PTPRU: variants seen among roughly 807,000 people sequenced by gnomAD.
The protein encoded by PTPRU is receptor-type tyrosine-protein phosphatase U.
A neutral mutation model predicts 166.3 loss-of-function variants in PTPRU; 69 were observed. That is an observed-to-expected ratio of 0.41 (90% CI 0.34 to 0.51). The LOEUF (loss-of-function observed/expected upper bound fraction) is 0.51, where lower values mean the gene tolerates loss of function less well. PTPRU is among the 20% of genes least tolerant of loss of function. The probability of loss-of-function intolerance (pLI) is 0.09; values close to 1 mark genes in which losing one functional copy is unlikely to be tolerated. For missense variants in PTPRU, 1,657 were observed against 2,013.7 expected, an observed-to-expected ratio of 0.82 and a Z score of 3.39; for synonymous variants, 793 against 814.0, an observed-to-expected ratio of 0.97 and a Z score of 0.44.
At chr1:29,310,467 G>A (rs1233269078) in intron 18 of PTPRU, among the ~76,000 whole-genome samples, 1 of 152,122 alleles carries the variant, frequency 6.6e-6, no homozygotes, top group Admixed American at 6.5e-5. Flanking sequence ...TATGGGTGGG[G>A]GGTCCCTCTA....
chr1:29,292,913 T>A (rs1406508798), intron 15 of PTPRU, among the ~76,000 whole-genome samples: 1 of 151,574 alleles, frequency 6.6e-6, no homozygotes, highest in African/African-American at 2.4e-5. Context: ...CCTCCCAGGT[T>A]CAAACAATTT....
At chr1:29,249,499 G>C (rs1684453107) in intron 1 of PTPRU, among the ~76,000 whole-genome samples, 1 of 152,252 alleles carries the variant, frequency 6.6e-6, no homozygotes, top group Non-Finnish European at 1.5e-5. Context: ...TGTAGAGATG[G>C]GGTGCCCAAG....
chr1:29,320,012 T>C lies in PTPRU; in HGVS notation c.3688-673T>C, dbSNP rs1030077675. Among the ~76,000 whole-genome samples, 6 of 152,138 alleles carry C rather than the reference T, an allele frequency of 3.9e-5. No homozygotes were observed. The highest frequency in any genetic ancestry group is 6.5e-5 in the Admixed American group (1 of 15,280). ...CCTGGGGCCCCAGACCCTTCACTTA[T>C]GGAGTTGGAAGGGACCTAGAGATTT... is the stretch of plus-strand genomic sequence containing the variant. On this transcript the variant is annotated intron_variant, in intron 25 of 29. Transcript: ENST00000373779. This position sits in a 1 kb window ranked among gnomAD's most constrained non-coding sequence, Gnocchi z 5.2.
Position 29,236,843 on chromosome 1 carries a change from G to C in PTPRU, c.73+126G>C, listed in dbSNP as rs147216758. On this transcript the variant is annotated intron_variant, in intron 1 of 29. Coordinates refer to ENST00000373779, the MANE Select transcript of PTPRU (RefSeq NM_133178.4). This position sits in a 1 kb window ranked among gnomAD's most constrained non-coding sequence, Gnocchi z 4.6. ...GCGTGCTCCCTGTGTGTGTCTGAGC[G>C]TAGGATGGGCGATTGTGTGCCCGGG... The C allele has an allele frequency of 1.5e-4, 139 of 933,058 alleles. No homozygotes were observed. In the African/African-American group the frequency reaches 2.2e-3, roughly 15 times the overall value. The allele number at this position is 933,058 out of a possible 1,614,324, so 57.8% of individuals were successfully genotyped here.
intron 1 of PTPRU, among the ~76,000 whole-genome samples, chr1:29,243,912 C>A (rs1024916654): frequency 6.6e-6 from 1 of 152,136 alleles, no homozygotes; most frequent in African/African-American, 2.4e-5. Flanking sequence ...CCATTTCCTG[C>A]AGAATGACTG....
In PTPRU at chr1:29,279,891, G is replaced by A; in HGVS notation, c.1766-148G>A. ...TTGGGGCTGGTGCCTGAGGTCAGGG[G>A]CCAGGGTAGCTCAGGTCATGTCAGC... is the stretch of plus-strand genomic sequence containing the variant. On this transcript the variant is annotated intron_variant, in intron 10 of 29. Coordinates refer to ENST00000373779, the MANE Select transcript of PTPRU (RefSeq NM_133178.4). This position sits in a 1 kb window ranked among gnomAD's most constrained non-coding sequence, Gnocchi z 5.2. 3 of 965,222 alleles carry A rather than the reference G, an allele frequency of 3.1e-6. No homozygotes were observed. The highest frequency in any genetic ancestry group is 4.6e-6 in the Non-Finnish European group (3 of 645,536). The allele number at this position is 965,222 out of a possible 1,614,324, so 59.8% of individuals were successfully genotyped here.
In PTPRU at chr1:29,317,714, C is replaced by T. The variant is rs779034740; in HGVS notation, c.3514-34C>T. On this transcript the variant is annotated intron_variant, in intron 24 of 29. Coordinates refer to ENST00000373779, the MANE Select transcript of PTPRU (RefSeq NM_133178.4). The surrounding 1 kb of genome is among the most constrained non-coding windows in gnomAD (Gnocchi z 5.6). ...GTGAGGAGGCCCAGCAAGCCCTGGA[C>T]GTAACTCTCTGTCCCCACCCCCGCT... 19 of 1,572,560 alleles carry T rather than the reference C, an allele frequency of 1.2e-5. No homozygotes were observed. In the East Asian group the frequency reaches 2.7e-4, roughly 22 times the overall value.
intron 11 of PTPRU, among the ~76,000 whole-genome samples, chr1:29,281,845 G>A (rs1472464295): frequency 6.6e-6 from 1 of 152,214 alleles, no homozygotes; most frequent in East Asian, 1.9e-4. Context: ...GATGTCACAC[G>A]CCAAGACGTG....
chr1:29,314,124 A>C (rs1416577695), intron 22 of PTPRU, among the ~76,000 whole-genome samples: 1 of 152,224 alleles, frequency 6.6e-6, no homozygotes, highest in African/African-American at 2.4e-5. Context: ...TCAAGTGAAT[A>C]AATGACAGTG....
chr1:29,323,827 G>A (rs1557493553), intron 28 of PTPRU, 39 bp downstream of exon 28: 2 of 1,607,104 alleles, frequency 1.2e-6, no homozygotes, highest in African/African-American at 1.3e-5. Flanking sequence ...TGGAGGGGTT[G>A]GGGAGCCAGG....
intron 29 of PTPRU, 62 bp from the exon 30 acceptor site, chr1:29,325,537 C>A: frequency 6.5e-7 from 1 of 1,544,030 alleles, no homozygotes; most frequent in South Asian, 1.1e-5. Context: ...CCGTTCCCCT[C>A]CCCCCACAAT....
Position 29,323,726 on chromosome 1 carries a change from G to C in PTPRU, c.4050G>C (p.Leu1350=). Residue 1350 remains leucine (L), a synonymous_variant, in exon 28 of 30, where the codon CTG becomes CTC. Coordinates refer to ENST00000373779, the MANE Select transcript of PTPRU (RefSeq NM_133178.4). ...TPDSKKAFLH[L]LAEVDKWQAE... ...ACTCCAAGAAGGCCTTCTTGCACCTGCTGGCTGAGGTGGACAAGTGGCAGG... is the reference window on the plus strand; with the variant it reads ...ACTCCAAGAAGGCCTTCTTGCACCTCCTGGCTGAGGTGGACAAGTGGCAGG... 6.2e-7 allele frequency: 1 copy of C among 1,614,180 alleles called. No individual in the cohort carries two copies. Among genetic ancestry groups the C allele is most frequent in the Non-Finnish European group, 8.5e-7 (1 of 1,180,010 alleles).
At chr1:29,297,543 G>A (rs1277275731) in intron 15 of PTPRU, among the ~76,000 whole-genome samples, 1 of 152,202 alleles carries the variant, frequency 6.6e-6, no homozygotes, top group Non-Finnish European at 1.5e-5. Flanking sequence ...GATTCAGACC[G>A]CAGAGATGGG....
At chr1:29,267,261 A>G (rs892641118) in intron 7 of PTPRU, among the ~76,000 whole-genome samples, 5 of 152,154 alleles carry the variant, frequency 3.3e-5, no homozygotes, top group Non-Finnish European at 5.9e-5. Flanking sequence ...AAAAAACTCC[A>G]GTGTTTCTAG....
At chr1:29,296,006 T>A (rs1004526622) in intron 15 of PTPRU, among the ~76,000 whole-genome samples, 1 of 152,212 alleles carries the variant, frequency 6.6e-6, no homozygotes, top group Non-Finnish European at 1.5e-5. Flanking sequence ...TACATACTTC[T>A]CGATATGCTT....
intron 28 of PTPRU, 25 bp downstream of exon 28, chr1:29,323,813 C>G: frequency 6.3e-7 from 1 of 1,598,370 alleles, no homozygotes; most frequent in Non-Finnish European, 8.5e-7. Context: ...TGTGGGAGGG[C>G]GGGTGGAGGG....
chr1:29,255,724 G>C (rs1684749893), intron 2 of PTPRU, among the ~76,000 whole-genome samples: 1 of 152,234 alleles, frequency 6.6e-6, no homozygotes, highest in East Asian at 1.9e-4. Flanking sequence ...CCATCTTTGA[G>C]AGGCTCTCTT....
intron 15 of PTPRU, among the ~76,000 whole-genome samples, chr1:29,293,478 GT>G (rs370297342): frequency 2.6e-4 from 35 of 135,868 alleles, no homozygotes; most frequent in Middle Eastern, 3.9e-3. Context: ...GTAGTTTTTT[GT>G]TTTTTTTTTT....
At chr1:29,270,911 C>T (rs1685532863) in intron 7 of PTPRU, among the ~76,000 whole-genome samples, 1 of 152,090 alleles carries the variant, frequency 6.6e-6, no homozygotes, top group Non-Finnish European at 1.5e-5. Context: ...ATGATAGCAC[C>T]ACTGCACTCC....
Sources: gnomAD v4.1 joint callset for allele counts (sites outside exome capture counted in the v4.1 genomes callset) on GRCh38, gnomAD v4.1.1 for gene constraint, Gnocchi (gnomAD v3.1) non-coding constraint, MANE v1.5 for transcripts, NCBI Gene and HGNC (gene_info 2026-07-23, HGNC 2026-07-21) for gene names.